Variants in BSN observed in about 807,000 individuals in gnomAD.
BSN encodes the protein protein bassoon.
A neutral mutation model predicts 264.8 loss-of-function variants in BSN; 57 were observed. That is an observed-to-expected ratio of 0.22 (90% CI 0.17 to 0.27). The LOEUF (loss-of-function observed/expected upper bound fraction) is 0.27, where lower values mean the gene tolerates loss of function less well. Among genes scored for constraint, BSN ranks in the 10% least tolerant of loss-of-function variants. The probability of loss-of-function intolerance (pLI) is 1.00; values close to 1 mark genes in which losing one functional copy is unlikely to be tolerated. For synonymous variants in BSN, 2,059 were observed against 2,137.3 expected, an observed-to-expected ratio of 0.96 and a Z score of 1.01; for missense variants, 4,615 against 5,232.5, an observed-to-expected ratio of 0.88 and a Z score of 3.64.
At chr3:49,610,584 CAAA>C (rs60726552) in intron 1 of BSN, among the ~76,000 whole-genome samples, 1 of 71,206 alleles carries the variant, frequency 1.4e-5, no homozygotes, top group Non-Finnish European at 2.4e-5. Flanking sequence ...AATTTCATCT[CAAA>C]AAAAAAAAAA....
Position 49,656,009 on chromosome 3 carries a change from C to G in BSN, c.6453C>G (p.Asn2151Lys). The change falls in exon 5 of 12, where the codon AAC (asparagine) becomes AAG (lysine). Residue 2151 changes from asparagine (N) to lysine (K), a missense_variant. Physicochemically the swap from Asn to Lys is moderately conservative, Grantham distance 94 (BLOSUM62 0). Transcript: ENST00000296452. ...CCCTCAGACCTGGACTCCTTGGTAACCCCACCTTTCCAGAGGGCCACCCAA... is the reference window on the plus strand; with the variant it reads ...CCCTCAGACCTGGACTCCTTGGTAAGCCCACCTTTCCAGAGGGCCACCCAA... ...LVPLRPGLLG[N>K]PTFPEGHPSP... 1 of 1,602,828 alleles carries G rather than the reference C, an allele frequency of 6.2e-7. No individual in the cohort carries two copies. Among genetic ancestry groups the G allele is most frequent in the Non-Finnish European group, 8.5e-7 (1 of 1,174,468 alleles).
Position 49,653,122 on chromosome 3 carries a change from A to G in BSN, c.3566A>G (p.Glu1189Gly). The change falls in exon 5 of 12, where the codon GAG becomes GGG. Residue 1189 changes from glutamate (E) to glycine (G), a missense_variant. Around this residue, in one of 3 missense-constraint regions of BSN, gnomAD observed 3,415 missense variants for 3,866.4 expected, o/e 0.88. Coordinates refer to ENST00000296452, the MANE Select transcript of BSN (RefSeq NM_003458.4). This position sits in a 1 kb window ranked among gnomAD's most constrained non-coding sequence, Gnocchi z 6.3. The part of the protein sequence containing the change: ...RPLKSAEEAY[E>G]EMMRKAELLQ... ...CTCAAGAGCGCTGAGGAGGCTTATGAGGAGATGATGCGCAAAGCTGAGCTG... is the reference window on the plus strand; with the variant it reads ...CTCAAGAGCGCTGAGGAGGCTTATGGGGAGATGATGCGCAAAGCTGAGCTG... 1.9e-6 allele frequency: 3 copies of G among 1,613,392 alleles called. No homozygotes were observed. The highest frequency in any genetic ancestry group is 2.5e-6 in the Non-Finnish European group (3 of 1,179,982).
intron 1 of BSN, among the ~76,000 whole-genome samples, chr3:49,577,424 G>A (rs1205433048): frequency 6.6e-6 from 1 of 152,174 alleles, no homozygotes; most frequent in Non-Finnish European, 1.5e-5. Context: ...ATTTCAGAGG[G>A]TTGAGATTGT....
intron 1 of BSN, among the ~76,000 whole-genome samples, chr3:49,567,570 G>A: frequency 6.6e-6 from 1 of 152,310 alleles, no homozygotes; most frequent in Non-Finnish European, 1.5e-5. Flanking sequence ...GGAGATGAGA[G>A]ACACACAAGA....
chr3:49,642,783 A>G lies in BSN; in HGVS notation c.1149A>G (p.Thr383=), dbSNP rs780495174. Residue 383 remains threonine, a synonymous_variant, in exon 3 of 12, where the codon ACA becomes ACG. Transcript: ENST00000296452. This position sits in a 1 kb window ranked among gnomAD's most constrained non-coding sequence, Gnocchi z 7.0. The part of the protein sequence containing the change: ...TQGQPAPSKG[T]PKIVFNDASK... The stretch of plus-strand genomic sequence containing the variant: ...GCCAGCCTGCCCCCAGCAAGGGGAC[A>G]CCTAAGATCGTCTTCAATGATGCCA... 2 of 1,613,412 alleles carry G rather than the reference A, an allele frequency of 1.2e-6. No homozygotes were observed. Among genetic ancestry groups the G allele is most frequent in the Non-Finnish European group, 1.7e-6 (2 of 1,179,962 alleles).
chr3:49,573,318 T>C (rs1338309087), intron 1 of BSN, among the ~76,000 whole-genome samples: 1 of 152,160 alleles, frequency 6.6e-6, no homozygotes, highest in Admixed American at 6.5e-5. Context: ...GCAAAGGCCC[T>C]GAGGCTCATG....
At chr3:49,573,610 G>T (rs980994721) in intron 1 of BSN, among the ~76,000 whole-genome samples, 6 of 151,600 alleles carry the variant, frequency 4.0e-5, no homozygotes, top group Admixed American at 2.0e-4. Context: ...AATAGTTGTT[G>T]CCCCCATGAG....
rs144921603 is a variant in BSN at position 49,620,943 on chromosome 3, A to G, written c.225-4032A>G. On this transcript the variant is annotated intron_variant, in intron 1 of 11. Coordinates refer to ENST00000296452, the MANE Select transcript of BSN (RefSeq NM_003458.4). ...GCAACAGAAGGAGACTCACACACAC[A>G]CACACAAAAAGACTTATCCTGGCAA... Among the ~76,000 whole-genome samples, 156 of 152,346 alleles carry G rather than the reference A, an allele frequency of 1.0e-3. No homozygotes were observed. In the East Asian group the frequency reaches 0.03, roughly 29 times the overall value.
intron 1 of BSN, among the ~76,000 whole-genome samples, chr3:49,567,822 A>G (rs759597600): frequency 9.9e-5 from 15 of 152,178 alleles, no homozygotes; most frequent in Admixed American, 2.0e-4. Flanking sequence ...TCTACTTCAC[A>G]ATGTCTGGAG....
intron 1 of BSN, among the ~76,000 whole-genome samples, chr3:49,618,017 A>G (rs2052275056): frequency 6.6e-6 from 1 of 152,036 alleles, no homozygotes; most frequent in African/African-American, 2.4e-5. Context: ...CTGTGGGGTC[A>G]TTCTCTTTTT....
At chr3:49,667,329 A>G (rs2108103378) in intron 11 of BSN, among the ~76,000 whole-genome samples, 1 of 150,142 alleles carries the variant, frequency 6.7e-6, no homozygotes, top group South Asian at 2.1e-4. Flanking sequence ...AAAAAAAAGG[A>G]ACTTTTGTTA....
intron 1 of BSN, among the ~76,000 whole-genome samples, chr3:49,592,711 G>A (rs1322374624): frequency 6.7e-6 from 1 of 150,266 alleles, no homozygotes; most frequent in African/African-American, 2.5e-5. Context: ...AGATAGCGCC[G>A]CTGCACTCTG....
At position 49,662,886 on chromosome 3, in the gene BSN, G is replaced by C. The variant is rs2052673724; in HGVS notation, c.10728G>C (p.Leu3576=). The stretch of plus-strand genomic sequence containing the variant: ...TTTTGGTCTCTGAAGCGTATCACCT[G>C]GGCCAGGAGGAGACGGACTGGTTTG... ...CVVSDSEAYH[L]GQEETDWFDK... Residue 3576 remains leucine, a synonymous_variant, in exon 7 of 12, where the codon CTG becomes CTC. Coordinates refer to ENST00000296452, the MANE Select transcript of BSN (RefSeq NM_003458.4). 2 of 1,574,900 alleles carry C rather than the reference G, an allele frequency of 1.3e-6. No homozygotes were observed. The highest frequency in any genetic ancestry group is 1.7e-6 in the Non-Finnish European group (2 of 1,160,344).
At chr3:49,634,809 A>G (rs2052408891) in intron 2 of BSN, among the ~76,000 whole-genome samples, 1 of 152,212 alleles carries the variant, frequency 6.6e-6, no homozygotes, top group Admixed American at 6.5e-5. Context: ...ACAATTTAAT[A>G]TTTATTTTAA....
intron 1 of BSN, among the ~76,000 whole-genome samples, chr3:49,614,607 A>T (rs768496059): frequency 1.3e-5 from 2 of 152,204 alleles, no homozygotes; most frequent in Non-Finnish European, 2.9e-5. Context: ...ATGTCACTTG[A>T]GGCAGGTCTA....
chr3:49,613,268 G>A (rs2108047386), intron 1 of BSN, among the ~76,000 whole-genome samples: 1 of 130,232 alleles, frequency 7.7e-6, no homozygotes, highest in Non-Finnish European at 1.6e-5. Flanking sequence ...ATCCAGAGGG[G>A]AAAAGTTTAT....
At chr3:49,658,700 A>C (rs995720357) in intron 5 of BSN, among the ~76,000 whole-genome samples, 1 of 152,172 alleles carries the variant, frequency 6.6e-6, no homozygotes, top group African/African-American at 2.4e-5. Flanking sequence ...GGCCCATCCC[A>C]GCGGGCTGCA....
intron 3 of BSN, among the ~76,000 whole-genome samples, chr3:49,644,025 T>A (rs1200184937): frequency 6.6e-6 from 1 of 152,162 alleles, no homozygotes; most frequent in Non-Finnish European, 1.5e-5. Flanking sequence ...CAGATGCTGC[T>A]TCTGCTCCTC....
At position 49,638,757 on chromosome 3, in the gene BSN, G is replaced by A. The variant is rs757712497; in HGVS notation, c.634-3511G>A. ...TTCTGGCGGTGAGTGCAGGCGGTTT[G>A]GCACGTGCCTTTGTTCAGCCTGATT... On this transcript the variant is annotated intron_variant, in intron 2 of 11. Transcript: ENST00000296452. This position sits in a 1 kb window ranked among gnomAD's most constrained non-coding sequence, Gnocchi z 4.3. Among the ~76,000 whole-genome samples, 4 of 152,222 alleles carry A rather than the reference G, an allele frequency of 2.6e-5. No homozygotes were observed. Among genetic ancestry groups the A allele is most frequent in the Non-Finnish European group, 2.9e-5 (2 of 68,030 alleles).
Sources: allele counts gnomAD v4.1 joint callset (sites outside exome capture counted in the v4.1 genomes callset), GRCh38; gene constraint gnomAD v4.1.1; regional missense constraint gnomAD v4.1.1; non-coding constraint Gnocchi (gnomAD v3.1); transcripts MANE v1.5; gene names NCBI Gene and HGNC (gene_info 2026-07-23, HGNC 2026-07-21).